The following SPECC1 variants were observed in gnomAD, a reference collection of about 807,000 sequenced individuals.
SPECC1 encodes the protein sperm antigen with calponin homology and coiled-coil domains 1.
A neutral mutation model predicts 104.1 loss-of-function variants in SPECC1; 62 were observed. The observed-to-expected ratio is 0.60, with a 90% CI of 0.49 to 0.74. The LOEUF is 0.74. Among genes scored for constraint, SPECC1 ranks in the 30% least tolerant of loss-of-function variants. The pLI, the probability that SPECC1 is intolerant of heterozygous loss-of-function variation, is 0.00. For missense variants in SPECC1, 1,306 were observed against 1,310.5 expected (o/e 1.00, Z 0.05); for synonymous variants, 513 against 501.6 (o/e 1.02, Z -0.30).
chr17:20,025,404 ATCTACTT>A (rs1436821015), intron 1 of SPECC1, among the ~76,000 whole-genome samples: 5 of 152,136 alleles, frequency 3.3e-5, no homozygotes, highest in African/African-American at 1.2e-4. Context: ...CCAACCACTA[ATCTACTT>A]TCTGTCTCTA....
At chr17:20,242,916 A>G (rs1288629648) in intron 7 of SPECC1, among the ~76,000 whole-genome samples, 2 of 151,768 alleles carry the variant, frequency 1.3e-5, no homozygotes, top group Non-Finnish European at 2.9e-5. Flanking sequence ...ATCGATTATT[A>G]TCCCAGTTTT....
intron 3 of SPECC1, among the ~76,000 whole-genome samples, chr17:20,124,651 A>G (rs2049194857): frequency 6.6e-6 from 1 of 152,262 alleles, no homozygotes; most frequent in African/African-American, 2.4e-5. Context: ...GGTTACTTCC[A>G]GATAAACTCA....
intron 3 of SPECC1, among the ~76,000 whole-genome samples, chr17:20,144,635 C>CT (rs2031254460): frequency 6.6e-6 from 1 of 152,142 alleles, no homozygotes; most frequent in South Asian, 2.1e-4. Flanking sequence ...CCAATGATGA[C>CT]TTTGATTTTT....
intron 1 of SPECC1, among the ~76,000 whole-genome samples, chr17:20,035,744 C>A (rs1428813018): frequency 1.3e-5 from 2 of 152,000 alleles, no homozygotes; most frequent in Non-Finnish European, 2.9e-5. Flanking sequence ...TTGTCCAGCT[C>A]AATTGATTTT....
At chr17:20,222,725 G>C (rs1649226022) in intron 4 of SPECC1, among the ~76,000 whole-genome samples, 1 of 152,180 alleles carries the variant, frequency 6.6e-6, no homozygotes, top group African/African-American at 2.4e-5. Flanking sequence ...TGTATGTTCA[G>C]ATGATTTCTT....
intron 1 of SPECC1, among the ~76,000 whole-genome samples, chr17:20,033,692 C>T (rs1320934665): frequency 1.3e-5 from 2 of 152,152 alleles, no homozygotes; most frequent in Non-Finnish European, 2.9e-5. Flanking sequence ...CTCATTCCTG[C>T]AAGAATGGCA....
chr17:20,263,508 TAAAGTA>T (rs2040107297), intron 12 of SPECC1, among the ~76,000 whole-genome samples: 1 of 150,472 alleles, frequency 6.6e-6, no homozygotes, highest in African/African-American at 2.4e-5. Flanking sequence ...CCATAGAACT[TAAAGTA>T]TAATAAAAAT....
At chr17:20,120,208 A>G (rs1027843630) in intron 3 of SPECC1, among the ~76,000 whole-genome samples, 4 of 152,024 alleles carry the variant, frequency 2.6e-5, no homozygotes, top group African/African-American at 9.7e-5. Context: ...ACATGGCGAA[A>G]CCCCTTCTTT....
At chr17:20,012,340 A>C (rs2043972590) in intron 1 of SPECC1, among the ~76,000 whole-genome samples, 1 of 151,636 alleles carries the variant, frequency 6.6e-6, no homozygotes. Flanking sequence ...TGATATGGAG[A>C]GTTGTATTGA....
chr17:20,179,996 C>T (rs537907076), intron 3 of SPECC1, among the ~76,000 whole-genome samples: 2 of 152,244 alleles, frequency 1.3e-5, no homozygotes, highest in East Asian at 3.9e-4. Context: ...TATAAAATTC[C>T]TCTAAAAATT....
In SPECC1 at chr17:20,138,551, G is replaced by GA. The variant is rs1197693984; in HGVS notation, c.283+27992dup. 4.6e-5 allele frequency among the ~76,000 whole-genome samples: 7 copies of GA among 152,222 alleles called. No individual in the cohort carries two copies. In the East Asian group the frequency reaches 1.4e-3, roughly 29 times the overall value. On this transcript the variant is annotated intron_variant, in intron 3 of 14. Transcript: ENST00000395527. ...ATCCCTCCCTCATCCCTAGTCCCTG[G>GA]AAACCACTGATCTTTTTACTGTCCC...
At chr17:20,253,431 C>A in intron 9 of SPECC1, 74 bp from the exon 10 acceptor site, 1 of 1,470,778 alleles carries the variant, frequency 6.8e-7, no homozygotes, top group Non-Finnish European at 9.5e-7. Flanking sequence ...CACGCATGCA[C>A]ACACACACAT....
In SPECC1 at chr17:20,232,391, C is replaced by T. The variant is rs1381079307; in HGVS notation, c.2337C>T (p.Ser779=). The T allele has an allele frequency of 6.2e-7, 1 of 1,609,674 alleles. No individual in the cohort carries two copies. The highest frequency in any genetic ancestry group is 8.5e-7 in the Non-Finnish European group (1 of 1,177,912). ...AGGGCCACGGCAGGGTGGTCACCAG[C>T]AGAGCCGCCCCTCCGTGAGTCTGGT... ...DVQGHGRVVT[S]RAAPPPVDEE... Residue 779 remains serine, a synonymous_variant, in exon 7 of 15, where the codon AGC becomes AGT. Transcript: ENST00000395527.
chr17:20,090,660 T>A (rs1301601882), intron 1 of SPECC1, among the ~76,000 whole-genome samples: 1 of 152,192 alleles, frequency 6.6e-6, no homozygotes, highest in African/African-American at 2.4e-5. Context: ...TCATTCACTT[T>A]AATCCTTTGA....
intron 2 of SPECC1, among the ~76,000 whole-genome samples, chr17:20,106,280 A>T (rs183023221): frequency 1.7e-3 from 256 of 152,346 alleles, no homozygotes; most frequent in Non-Finnish European, 3.1e-3. Context: ...AGCTGCCAAC[A>T]TTATAGACTA....
intron 1 of SPECC1, among the ~76,000 whole-genome samples, chr17:20,091,765 G>A (rs549739152): frequency 9.9e-5 from 15 of 152,174 alleles, no homozygotes; most frequent in Middle Eastern, 3.4e-3. Context: ...GGCCTCTTCC[G>A]CTTCCCAGTG....
chr17:20,216,973 C>A (rs533678166), intron 4 of SPECC1, among the ~76,000 whole-genome samples: 1 of 151,268 alleles, frequency 6.6e-6, no homozygotes, highest in South Asian at 2.1e-4. Context: ...AGCAACATAG[C>A]GAGACCCCAT....
chr17:20,013,928 A>G (rs2152426462), intron 1 of SPECC1, among the ~76,000 whole-genome samples: 1 of 152,298 alleles, frequency 6.6e-6, no homozygotes, highest in Admixed American at 6.5e-5. Flanking sequence ...AAGTACATGA[A>G]CACTCTAGTA....
intron 2 of SPECC1, among the ~76,000 whole-genome samples, chr17:20,101,801 C>G (rs1253439027): frequency 6.6e-6 from 1 of 152,216 alleles, no homozygotes; most frequent in Admixed American, 6.5e-5. Context: ...CTTCCTGTGA[C>G]TCTGATGTCT....
Sources: gnomAD v4.1 joint callset for allele counts (sites outside exome capture counted in the v4.1 genomes callset) on GRCh38, gnomAD v4.1.1 for gene constraint, MANE v1.5 for transcripts, NCBI Gene and HGNC (gene_info 2026-07-23, HGNC 2026-07-21) for gene names.